Variants in RALGAPA2 observed in about 807,000 individuals in gnomAD.
RALGAPA2 encodes the protein ral GTPase-activating protein subunit alpha-2.
In RALGAPA2, 139 loss-of-function variants were observed where a neutral mutation model predicts 230.4. That is an observed-to-expected ratio of 0.60 (90% CI 0.53 to 0.69). The LOEUF (loss-of-function observed/expected upper bound fraction) is 0.69, where lower values mean the gene tolerates loss of function less well. RALGAPA2 is among the 30% of genes least tolerant of loss of function. RALGAPA2 has a pLI of 0.00. For synonymous variants in RALGAPA2, 847 were observed against 837.8 expected (o/e 1.01, Z -0.19); for missense variants, 2,163 against 2,276.0 (o/e 0.95, Z 1.01).
At chr20:20,475,611 C>T (rs541679182) in intron 36 of RALGAPA2, among the ~76,000 whole-genome samples, 5 of 152,110 alleles carry the variant, frequency 3.3e-5, no homozygotes, top group African/African-American at 1.2e-4. Flanking sequence ...TTAATGAGAG[C>T]TTAAAGGGGG....
chr20:20,489,895 C>A (rs2062007861), intron 36 of RALGAPA2, among the ~76,000 whole-genome samples: 2 of 152,170 alleles, frequency 1.3e-5, no homozygotes, highest in African/African-American at 4.8e-5. Context: ...TTACCATTTG[C>A]CATTTGGTAT....
chr20:20,545,436 T>A (rs2063754360), intron 24 of RALGAPA2, among the ~76,000 whole-genome samples: 1 of 152,174 alleles, frequency 6.6e-6, no homozygotes, highest in Non-Finnish European at 1.5e-5. Flanking sequence ...TTCTAATTTA[T>A]CTTTATAAGA....
At chr20:20,449,075 C>T (rs371258840) in intron 37 of RALGAPA2, among the ~76,000 whole-genome samples, 1 of 152,100 alleles carries the variant, frequency 6.6e-6, no homozygotes, top group Non-Finnish European at 1.5e-5. Flanking sequence ...TTAAACAGTG[C>T]GGGTGGAGCA....
At chr20:20,581,821 G>A (rs548566308) in intron 20 of RALGAPA2, among the ~76,000 whole-genome samples, 115 of 151,672 alleles carry the variant, frequency 7.6e-4, no homozygotes, top group Middle Eastern at 3.4e-3. Context: ...AAACCAGTTT[G>A]CTTGGTTTAA....
intron 23 of RALGAPA2, among the ~76,000 whole-genome samples, chr20:20,565,638 T>C (rs6075674): frequency 0.034 from 5,248 of 152,324 alleles, 111 homozygotes; most frequent in South Asian, 0.06. Context: ...TTTAAAATTA[T>C]GGTTTTTTTT....
At chr20:20,590,450 C>T (rs1333109690) in intron 17 of RALGAPA2, among the ~76,000 whole-genome samples, 2 of 152,150 alleles carry the variant, frequency 1.3e-5, no homozygotes, top group East Asian at 3.9e-4. Context: ...ACTAGCATGA[C>T]TTTGACATTA....
intron 8 of RALGAPA2, 111 bp from the exon 9 acceptor site, chr20:20,635,728 C>T (rs1344424408): frequency 2.1e-6 from 2 of 935,930 alleles, no homozygotes; most frequent in Non-Finnish European, 3.2e-6. Context: ...GTCTAAATAG[C>T]AACTAAGAAT....
At chr20:20,428,606 C>G (rs1485002872) in intron 37 of RALGAPA2, among the ~76,000 whole-genome samples, 1 of 152,168 alleles carries the variant, frequency 6.6e-6, no homozygotes, top group Non-Finnish European at 1.5e-5. Context: ...TCACTGGTCT[C>G]AAGGCCAGGA....
intron 23 of RALGAPA2, among the ~76,000 whole-genome samples, chr20:20,568,291 A>G (rs923115309): frequency 2.0e-5 from 3 of 152,210 alleles, no homozygotes; most frequent in African/African-American, 7.2e-5. Flanking sequence ...CCACGAACCC[A>G]TGTTACATAT....
intron 39 of RALGAPA2, among the ~76,000 whole-genome samples, chr20:20,394,335 A>G (rs190864116): frequency 1.4e-4 from 22 of 152,158 alleles, no homozygotes; most frequent in African/African-American, 5.1e-4. Context: ...CCCTTCTTCT[A>G]GGCTCAGTCA....
chr20:20,659,537 T>C (rs1483510336), intron 3 of RALGAPA2, among the ~76,000 whole-genome samples: 1 of 152,144 alleles, frequency 6.6e-6, no homozygotes, highest in African/African-American at 2.4e-5. Context: ...TTAATCAAAA[T>C]AATCCGAAAA....
At chr20:20,571,993 TC>T (rs755397893) in intron 21 of RALGAPA2, 47 bp from the exon 22 acceptor site, 1 of 1,313,776 alleles carries the variant, frequency 7.6e-7, no homozygotes. Context: ...ATTACGTTTA[TC>T]CCAACAGTAT....
chr20:20,437,658 C>T lies in RALGAPA2; in HGVS notation c.5496-25510G>A, dbSNP rs181692553. Reference sequence around the variant, plus strand: ...TTCCAAGACCCCTGTCTGGCTGCCTCCCTCACCTCCTTCAGGTCTTTGCTC... The same window carrying T: ...TTCCAAGACCCCTGTCTGGCTGCCTTCCTCACCTCCTTCAGGTCTTTGCTC... On this transcript the variant is annotated intron_variant, in intron 37 of 39. Transcript: ENST00000202677. This position sits in a 1 kb window ranked among gnomAD's most constrained non-coding sequence, Gnocchi z 4.1. 4.5e-4 allele frequency among the ~76,000 whole-genome samples: 69 copies of T among 152,322 alleles called. No homozygotes were observed. Among genetic ancestry groups the T allele is most frequent in the African/African-American group, 1.7e-3 (69 of 41,566 alleles).
chr20:20,712,633 AG>A lies in RALGAPA2; in HGVS notation c.-154del. ...CCGCCGCCGCCGCCGCCGCCGCCTC[AG>A]CTGTGTCTCCAGGAAGGAGGGGCGG... On this transcript the variant is annotated 5_prime_UTR_variant, in exon 1 of 40. Transcript: ENST00000202677. The surrounding 1 kb of genome is among the most constrained non-coding windows in gnomAD (Gnocchi z 5.5). The A allele has an allele frequency of 4.6e-6, 5 of 1,078,764 alleles. No individual in the cohort carries two copies. Among genetic ancestry groups the A allele is most frequent in the Non-Finnish European group, 5.8e-6 (5 of 862,890 alleles). The allele number at this position is 1,078,764 out of a possible 1,614,324, so 66.8% of individuals were successfully genotyped here.
chr20:20,520,644 CT>C (rs1330907059), intron 31 of RALGAPA2, among the ~76,000 whole-genome samples: 4 of 152,064 alleles, frequency 2.6e-5, no homozygotes, highest in Admixed American at 6.5e-5. Context: ...TGTAAAGCTC[CT>C]TGAGGATAGA....
intron 24 of RALGAPA2, among the ~76,000 whole-genome samples, chr20:20,542,243 C>T (rs1241109429): frequency 1.3e-5 from 2 of 152,144 alleles, no homozygotes; most frequent in Non-Finnish European, 2.9e-5. Context: ...CAAACCACTG[C>T]TCAAGGAAAT....
At position 20,389,949 on chromosome 20, in the gene RALGAPA2, T is replaced by C. The variant is rs1391715361; in HGVS notation, c.*3340A>G. 6.6e-6 allele frequency: 1 copy of C among 152,174 alleles called. No homozygotes were observed. Among genetic ancestry groups the C allele is most frequent in the Non-Finnish European group, 1.5e-5 (1 of 68,004 alleles). The allele number at this position is 152,174 out of a possible 1,614,324, so 9.4% of individuals were successfully genotyped here. A position where few individuals can be genotyped will look rare whatever the true frequency, so the allele number is the denominator to read the frequency against. On this transcript the variant is annotated 3_prime_UTR_variant, in exon 40 of 40. Transcript: ENST00000202677. ...ACTAAACATTGTAGACCTGAAAACA[T>C]AAGGAAACATTCACTTCATGTGTAT... is the stretch of plus-strand genomic sequence containing the variant.
At chr20:20,590,100 A>T (rs1004404829) in intron 17 of RALGAPA2, among the ~76,000 whole-genome samples, 4 of 151,934 alleles carry the variant, frequency 2.6e-5, no homozygotes, top group Non-Finnish European at 5.9e-5. Context: ...CATGTATCAC[A>T]TACTTTTTTG....
intron 31 of RALGAPA2, among the ~76,000 whole-genome samples, chr20:20,520,476 T>C (rs1036661194): frequency 5.3e-5 from 8 of 152,154 alleles, no homozygotes; most frequent in African/African-American, 1.9e-4. Flanking sequence ...TTCCATCTCT[T>C]TTTATGATGC....
Sources: allele counts gnomAD v4.1 joint callset (sites outside exome capture counted in the v4.1 genomes callset), GRCh38; gene constraint gnomAD v4.1.1; non-coding constraint Gnocchi (gnomAD v3.1); transcripts MANE v1.5; gene names NCBI Gene and HGNC (gene_info 2026-07-23, HGNC 2026-07-21).